Variants in SV2C observed in about 807,000 individuals in gnomAD.
The protein encoded by SV2C is solute carrier family 22 member B3.
A neutral mutation model predicts 79.7 loss-of-function variants in SV2C; 49 were observed. The observed-to-expected ratio is 0.61, with a 90% CI of 0.49 to 0.78. SV2C has a LOEUF of 0.78. SV2C is among the 30% of genes least tolerant of loss of function. SV2C has a pLI of 0.00. For synonymous variants in SV2C, 334 were observed against 333.2 expected, an observed-to-expected ratio of 1.00 and a Z score of -0.03; for missense variants, 833 against 912.9, an observed-to-expected ratio of 0.91 and a Z score of 1.13.
chr5:75,903,833 C>A, the SV2C span, among the ~76,000 whole-genome samples: 1 of 152,264 alleles, frequency 6.6e-6, no homozygotes, highest in South Asian at 2.1e-4. Flanking sequence ...CCTCATCACC[C>A]AAATTATTGA....
At chr5:76,314,934 TA>T (rs1748568694) in intron 12 of SV2C, among the ~76,000 whole-genome samples, 1 of 152,170 alleles carries the variant, frequency 6.6e-6, no homozygotes, top group Non-Finnish European at 1.5e-5. Flanking sequence ...ACTCCCTAGC[TA>T]GGTTAATCAG....
At chr5:75,860,313 G>A in the SV2C span, among the ~76,000 whole-genome samples, 1 of 152,058 alleles carries the variant, frequency 6.6e-6, no homozygotes, top group East Asian at 1.9e-4. Flanking sequence ...AATAATACCT[G>A]TTAGGTTGGT....
intron 3 of SV2C, among the ~76,000 whole-genome samples, chr5:76,198,209 AC>A (rs1301870306): frequency 2.6e-5 from 4 of 152,198 alleles, no homozygotes; most frequent in Admixed American, 6.5e-5. Context: ...TGGATTTTTG[AC>A]CTTTCCAAAT....
At chr5:75,856,731 C>T in the SV2C span, among the ~76,000 whole-genome samples, 2 of 152,188 alleles carry the variant, frequency 1.3e-5, no homozygotes, top group Non-Finnish European at 2.9e-5. Context: ...AACATTTCCT[C>T]CCATTCTGTG....
chr5:76,238,053 C>CACAT (rs1561278305), intron 4 of SV2C, among the ~76,000 whole-genome samples: 1 of 134,046 alleles, frequency 7.5e-6, no homozygotes, highest in Admixed American at 6.9e-5. Context: ...CACACACACA[C>CACAT]ACACACACAC....
At chr5:75,885,963 C>T in the SV2C span, among the ~76,000 whole-genome samples, 2 of 152,116 alleles carry the variant, frequency 1.3e-5, no homozygotes, top group African/African-American at 2.4e-5. Context: ...CAAACAAAAG[C>T]CTCACTCAGT....
intron 12 of SV2C, among the ~76,000 whole-genome samples, chr5:76,308,725 C>G (rs919001042): frequency 6.6e-5 from 10 of 152,198 alleles, no homozygotes; most frequent in African/African-American, 2.4e-4. Context: ...CATCCCCAAG[C>G]TCCCTAGCAG....
intron 2 of SV2C, chr5:76,173,859 C>G (rs372312696): frequency 6.3e-7 from 1 of 1,598,062 alleles, no homozygotes; most frequent in African/African-American, 1.3e-5. Flanking sequence ...ATCATTGGAA[C>G]ATCATCAGTG....
At chr5:75,963,122 G>A in the SV2C span, among the ~76,000 whole-genome samples, 2 of 152,128 alleles carry the variant, frequency 1.3e-5, no homozygotes, top group Non-Finnish European at 2.9e-5. Context: ...GGGAAGGAAG[G>A]TCAGACTGAC....
chr5:75,916,852 C>A, the SV2C span, among the ~76,000 whole-genome samples: 3 of 152,190 alleles, frequency 2.0e-5, no homozygotes, highest in Non-Finnish European at 4.4e-5. Context: ...TCCCCCAGTG[C>A]CAGCCTTGGG....
At chr5:76,017,358 C>T in the SV2C span, among the ~76,000 whole-genome samples, 1 of 152,148 alleles carries the variant, frequency 6.6e-6, no homozygotes, top group Non-Finnish European at 1.5e-5. Context: ...GCAATCTTGG[C>T]TCACTGCAAC....
At chr5:76,225,633 GA>G (rs1350383147) in intron 4 of SV2C, among the ~76,000 whole-genome samples, 2 of 152,068 alleles carry the variant, frequency 1.3e-5, no homozygotes, top group African/African-American at 2.4e-5. Context: ...TAGCCGAAGA[GA>G]TGAGCCATTT....
In SV2C at chr5:76,171,598, A is replaced by G. The variant is rs1320643369; in HGVS notation, c.581-23321A>G. 1.1e-3 allele frequency among the ~76,000 whole-genome samples: 160 copies of G among 139,412 alleles called. 5 individuals carry two copies. In the East Asian group the frequency reaches 0.031, roughly 27 times the overall value. 91.5% of individuals were successfully genotyped at this position (139,412 alleles called of 152,430 possible). ...TCTCCGCCGGGCAGCCACCCCGTCC[A>G]GGAGAGAGGTGGGGGGGGGGTCAGC... On this transcript the variant is annotated intron_variant, in intron 2 of 12. Transcript: ENST00000502798.
the SV2C span, among the ~76,000 whole-genome samples, chr5:75,899,059 T>C: frequency 6.6e-6 from 1 of 152,206 alleles, no homozygotes; most frequent in Non-Finnish European, 1.5e-5. Flanking sequence ...TTTTTGTGTC[T>C]CTATTTCCTT....
the SV2C span, among the ~76,000 whole-genome samples, chr5:75,965,981 CTG>C: frequency 3.3e-5 from 5 of 152,194 alleles, no homozygotes; most frequent in Non-Finnish European, 7.3e-5. Context: ...GGGGCTAAAA[CTG>C]TCACTGTCTT....
At chr5:76,111,504 A>C (rs1748095763) in intron 1 of SV2C, among the ~76,000 whole-genome samples, 1 of 152,166 alleles carries the variant, frequency 6.6e-6, no homozygotes, top group Non-Finnish European at 1.5e-5. Context: ...TATTTTCAGC[A>C]GTGCATTTCC....
At chr5:76,056,527 C>T in the SV2C span, among the ~76,000 whole-genome samples, 2 of 151,776 alleles carry the variant, frequency 1.3e-5, no homozygotes, top group African/African-American at 2.4e-5. Flanking sequence ...GGTAGGAGTC[C>T]CTCCTCTTCA....
chr5:75,972,712 C>T, the SV2C span, among the ~76,000 whole-genome samples: 1 of 152,064 alleles, frequency 6.6e-6, no homozygotes, highest in African/African-American at 2.4e-5. Context: ...AACAGGAACA[C>T]TTTTACACTC....
chr5:76,108,812 T>C (rs1166188121), intron 1 of SV2C, among the ~76,000 whole-genome samples: 1 of 152,170 alleles, frequency 6.6e-6, no homozygotes, highest in African/African-American at 2.4e-5. Flanking sequence ...TCATTAACTG[T>C]GGTGAAAAAA....
Sources: allele counts gnomAD v4.1 joint callset (sites outside exome capture counted in the v4.1 genomes callset), GRCh38; gene constraint gnomAD v4.1.1; transcripts MANE v1.5; gene names NCBI Gene and HGNC (gene_info 2026-07-23, HGNC 2026-07-21).